The following KSR1 variants were observed in gnomAD, a reference collection of about 807,000 sequenced individuals.
KSR1 encodes the protein kinase suppressor of ras.
In KSR1, 35 loss-of-function variants were observed where a neutral mutation model predicts 92.9. The observed-to-expected ratio is 0.38, with a 90% CI of 0.29 to 0.50. KSR1 has a LOEUF of 0.50. Ranked by LOEUF, KSR1 falls within the 20% of genes least tolerant of loss-of-function variation. KSR1 has a pLI of 0.94. For missense variants in KSR1, 972 were observed against 1,158.5 expected (o/e 0.84, Z 2.34); for synonymous variants, 467 against 472.6 (o/e 0.99, Z 0.15).
At chr17:27,571,823 G>A (rs1031308180) in intron 2 of KSR1, among the ~76,000 whole-genome samples, 3 of 152,236 alleles carry the variant, frequency 2.0e-5, no homozygotes, top group African/African-American at 7.2e-5. Flanking sequence ...CAGCGGTGCC[G>A]CCCCTGGCAT....
intron 1 of KSR1, among the ~76,000 whole-genome samples, chr17:27,535,528 C>T (rs1420886028): frequency 6.6e-6 from 1 of 152,210 alleles, no homozygotes; most frequent in Non-Finnish European, 1.5e-5. Context: ...AGCTTCATTT[C>T]ACAGCCGGTT....
chr17:27,564,289 C>G (rs577071517), intron 2 of KSR1, among the ~76,000 whole-genome samples: 1 of 152,178 alleles, frequency 6.6e-6, no homozygotes, highest in East Asian at 1.9e-4. Flanking sequence ...CCGCACCTGG[C>G]CTTCAGTAGC....
intron 1 of KSR1, among the ~76,000 whole-genome samples, chr17:27,533,803 A>G (rs923061348): frequency 6.6e-6 from 1 of 152,242 alleles, no homozygotes; most frequent in African/African-American, 2.4e-5. Flanking sequence ...AGCGCATAAT[A>G]GTCACCCTTG....
chr17:27,531,466 G>A (rs909224704), intron 1 of KSR1, among the ~76,000 whole-genome samples: 17 of 152,222 alleles, frequency 1.1e-4, no homozygotes, highest in Non-Finnish European at 2.2e-4. Context: ...TCTGGAGGGG[G>A]TGTAGTGAAT....
At chr17:27,614,948 C>T (rs1220111453) in intron 18 of KSR1, among the ~76,000 whole-genome samples, 1 of 152,200 alleles carries the variant, frequency 6.6e-6, no homozygotes, top group Non-Finnish European at 1.5e-5. Flanking sequence ...TGGGAGTGCC[C>T]TCTGAGTGAT....
Position 27,582,747 on chromosome 17 carries a change from T to C in KSR1, c.622T>C (p.Trp208Arg), listed in dbSNP as rs909971887. The change falls in exon 4 of 21, where the codon TGG (tryptophan) becomes CGG (arginine). Residue 208 changes from tryptophan to arginine, a missense_variant. Physicochemically the swap from Trp to Arg is moderately radical, Grantham distance 101. Around this residue, in one of 5 missense-constraint regions of KSR1, gnomAD observed 611 missense variants for 668.0 expected, o/e 0.91. Coordinates refer to ENST00000644974, the MANE Select transcript of KSR1 (RefSeq NM_001394583.1). ...CACCCTCTCAGCAGCCAGCCTGCCC[T>C]GGCCCCCAGGGAGCTCCCAGCTGGG... is the stretch of plus-strand genomic sequence containing the variant. ...TDTLSAASLPWPPGSSQLGRA... is the reference protein window; with the variant it reads ...TDTLSAASLPRPPGSSQLGRA... The C allele has an allele frequency of 1.9e-6, 3 of 1,613,788 alleles. No individual in the cohort carries two copies. Among genetic ancestry groups the C allele is most frequent in the African/African-American group, 2.7e-5 (2 of 74,898 alleles).
At chr17:27,547,226 A>C (rs1429381293) in intron 1 of KSR1, among the ~76,000 whole-genome samples, 3 of 152,180 alleles carry the variant, frequency 2.0e-5, no homozygotes, top group African/African-American at 7.2e-5. Context: ...GAAATTTCAA[A>C]AACGCTGATG....
At chr17:27,542,811 C>T (rs1347492044) in intron 1 of KSR1, among the ~76,000 whole-genome samples, 2 of 152,188 alleles carry the variant, frequency 1.3e-5, no homozygotes, top group East Asian at 1.9e-4. Flanking sequence ...CATGAGTCTG[C>T]AGCAAATTCT....
chr17:27,583,598 A>G (rs1398328298), intron 4 of KSR1, among the ~76,000 whole-genome samples: 1 of 152,242 alleles, frequency 6.6e-6, no homozygotes, highest in Non-Finnish European at 1.5e-5. Context: ...GAACAGGAGA[A>G]TGAAACAGTG....
At chr17:27,474,098 T>C (rs143231068) in intron 1 of KSR1, among the ~76,000 whole-genome samples, 1 of 152,326 alleles carries the variant, frequency 6.6e-6, no homozygotes, top group East Asian at 1.9e-4. Flanking sequence ...CAGAGGGGGC[T>C]TTTGACTATT....
chr17:27,466,135 C>A (rs1284429251), intron 1 of KSR1, among the ~76,000 whole-genome samples: 2 of 152,234 alleles, frequency 1.3e-5, no homozygotes, highest in Non-Finnish European at 1.5e-5. Context: ...ATCTTTTCTT[C>A]CACTGAACGT....
At chr17:27,490,385 C>T (rs1233304832) in intron 1 of KSR1, among the ~76,000 whole-genome samples, 1 of 152,134 alleles carries the variant, frequency 6.6e-6, no homozygotes, top group Non-Finnish European at 1.5e-5. Context: ...ATTTTATCTT[C>T]CCCATTGTTA....
At chr17:27,477,307 C>T (rs1454597610) in intron 1 of KSR1, among the ~76,000 whole-genome samples, 1 of 152,216 alleles carries the variant, frequency 6.6e-6, no homozygotes, top group Non-Finnish European at 1.5e-5. Context: ...CCTGTTAGCT[C>T]TCAGCCTTAT....
At chr17:27,479,836 A>G (rs2068459541) in intron 1 of KSR1, among the ~76,000 whole-genome samples, 1 of 152,050 alleles carries the variant, frequency 6.6e-6, no homozygotes, top group Non-Finnish European at 1.5e-5. Flanking sequence ...CATGAGAATG[A>G]CTGACTAACA....
At position 27,516,351 on chromosome 17, in the gene KSR1, A is replaced by G. The variant is rs117965705; in HGVS notation, c.232-34217A>G. Among the ~76,000 whole-genome samples, 19 of 152,322 alleles carry G rather than the reference A, an allele frequency of 1.2e-4. No individual in the cohort carries two copies. The East Asian group carries it at 3.1e-3, about 25-fold the overall frequency. ...CACAGATGGGGTGTGTTAATCACAG[A>G]TTAACACTGATGTGGGATTGGGCCA... is the stretch of plus-strand genomic sequence containing the variant. On this transcript the variant is annotated intron_variant, in intron 1 of 20. Coordinates refer to ENST00000644974, the MANE Select transcript of KSR1 (RefSeq NM_001394583.1).
At position 27,511,872 on chromosome 17, in the gene KSR1, T is replaced by G. The variant is rs191798990; in HGVS notation, c.232-38696T>G. Among the ~76,000 whole-genome samples the G allele has an allele frequency of 6.2e-3, 945 of 152,302 alleles. 7 individuals are homozygous for G. The highest frequency in any genetic ancestry group is 9.4e-3 in the Non-Finnish European group (640 of 68,014). ...ACACGTGGCAATTCTTAAAACTAGT[T>G]TTTGGTGTTAGGATAAGCACACCCG... On this transcript the variant is annotated intron_variant, in intron 1 of 20. Transcript: ENST00000644974.
chr17:27,459,471 C>T lies in KSR1; in HGVS notation c.231+2597C>T, dbSNP rs1357851356. Among the ~76,000 whole-genome samples, 1 of 152,264 alleles carries T rather than the reference C, an allele frequency of 6.6e-6. No individual in the cohort carries two copies. The highest frequency in any genetic ancestry group is 2.4e-5 in the African/African-American group (1 of 41,464). ...TGGGTGACACAAGCCAGGAAACAAT[C>T]TCAGCAAGCTGGGTGGGACCGTCCA... On this transcript the variant is annotated intron_variant, in intron 1 of 20. Coordinates refer to ENST00000644974, the MANE Select transcript of KSR1 (RefSeq NM_001394583.1). The surrounding 1 kb of genome is among the most constrained non-coding windows in gnomAD (Gnocchi z 4.6).
chr17:27,552,342 G>A lies in KSR1; in HGVS notation c.372+1634G>A, dbSNP rs144361250. Among the ~76,000 whole-genome samples, 513 of 152,294 alleles carry A rather than the reference G, an allele frequency of 3.4e-3. 4 individuals are homozygous for A. Among genetic ancestry groups the A allele is most frequent in the African/African-American group, 0.012 (502 of 41,564 alleles). ...ATTGAGTGTCGGGCCCAATATGGCA[G>A]TTGCTTGGTTGCGACAGATATAAAA... On this transcript the variant is annotated intron_variant, in intron 2 of 20. Transcript: ENST00000644974.
chr17:27,608,537 G>A (rs1480802513), intron 15 of KSR1, among the ~76,000 whole-genome samples: 1 of 152,182 alleles, frequency 6.6e-6, no homozygotes, highest in Non-Finnish European at 1.5e-5. Context: ...TTCAAATAGA[G>A]CATTGGTTAG....
Sources: gnomAD v4.1 joint callset for allele counts (sites outside exome capture counted in the v4.1 genomes callset) on GRCh38, gnomAD v4.1.1 for gene constraint, gnomAD v4.1.1 regional missense constraint, Gnocchi (gnomAD v3.1) non-coding constraint, MANE v1.5 for transcripts, NCBI Gene and HGNC (gene_info 2026-07-23, HGNC 2026-07-21) for gene names.